ATP8B1: variants seen among roughly 807,000 people sequenced by gnomAD.
The protein encoded by ATP8B1 is ATPase phospholipid transporting 8B1, also known as phospholipid-transporting ATPase IC.
ATP8B1 carries 80 observed loss-of-function variants against 149.9 expected under a neutral mutation model. That is an observed-to-expected ratio of 0.53 (90% confidence interval 0.45 to 0.64). The LOEUF (loss-of-function observed/expected upper bound fraction) is 0.64. Among genes scored for constraint, ATP8B1 ranks in the 30% least tolerant of loss-of-function variants. The pLI is 0.00. For missense variants in ATP8B1, 1,247 were observed against 1,552.6 expected, an observed-to-expected ratio of 0.80 and a Z score of 3.31; for synonymous variants, 536 against 562.8, an observed-to-expected ratio of 0.95 and a Z score of 0.67.
chr18:57,677,757 C>T (rs1911686623), intron 15 of ATP8B1, among the ~76,000 whole-genome samples: 1 of 152,140 alleles, frequency 6.6e-6, no homozygotes, highest in Non-Finnish European at 1.5e-5. Context: ...ACTATTTAAC[C>T]AGAGACAAAT....
At chr18:57,670,988 C>T (rs1327035840) in intron 17 of ATP8B1, among the ~76,000 whole-genome samples, 2 of 152,226 alleles carry the variant, frequency 1.3e-5, no homozygotes, top group African/African-American at 4.8e-5. Context: ...GGACTACAGG[C>T]ATGAGACACC....
At chr18:57,712,786 G>A (rs1367192811) in intron 2 of ATP8B1, among the ~76,000 whole-genome samples, 1 of 151,818 alleles carries the variant, frequency 6.6e-6, no homozygotes, top group Non-Finnish European at 1.5e-5. Context: ...ACTTTGTCTT[G>A]CATCTTGGAT....
intron 12 of ATP8B1, 104 bp downstream of exon 12, chr18:57,691,703 C>T (rs1056071641): frequency 1.4e-6 from 2 of 1,400,222 alleles, no homozygotes; most frequent in Non-Finnish European, 1.9e-6. Context: ...CTTACCTGTT[C>T]TTTGTGACCT....
rs935923283 is a variant in ATP8B1 at position 57,646,546 on chromosome 18, T to C, written c.*1942A>G. 1 of 152,656 alleles carries C rather than the reference T, an allele frequency of 6.6e-6. No individual in the cohort carries two copies. Among genetic ancestry groups the C allele is most frequent in the African/African-American group, 2.4e-5 (1 of 41,460 alleles). The allele number at this position is 152,656 out of a possible 1,614,324, so 9.5% of individuals were successfully genotyped here. On this transcript the variant is annotated 3_prime_UTR_variant, in exon 28 of 28. Transcript: ENST00000648908. Reference sequence around the variant, plus strand: ...AATAATTTATCCAAAGAAATTTGCATTTAAAATTGTTAATATTGCACCCAA... The same window carrying C: ...AATAATTTATCCAAAGAAATTTGCACTTAAAATTGTTAATATTGCACCCAA...
Position 57,648,646 on chromosome 18 carries a change from G to A in ATP8B1, c.3598C>T (p.Arg1200Trp). ...GCCGAGCGCCGCGTTGACACGCCCCGGCGGAACACCTGCTGCCGTCGCTGC... is the reference window on the plus strand; with the variant it reads ...GCCGAGCGCCGCGTTGACACGCCCCAGCGGAACACCTGCTGCCGTCGCTGC... The part of the protein sequence containing the change: ...QWQRRQQVFR[R>W]GVSTRRSAYA... The change falls in exon 28 of 28, where the codon CGG becomes TGG. Residue 1200 changes from arginine to tryptophan, a missense_variant. Transcript: ENST00000648908. The A allele has an allele frequency of 6.3e-7, 1 of 1,593,022 alleles. No individual in the cohort carries two copies. Among genetic ancestry groups the A allele is most frequent in the Non-Finnish European group, 8.5e-7 (1 of 1,171,124 alleles).
At chr18:57,766,352 C>T (rs971065403) in intron 1 of ATP8B1, among the ~76,000 whole-genome samples, 1 of 151,974 alleles carries the variant, frequency 6.6e-6, no homozygotes, top group African/African-American at 2.4e-5. Flanking sequence ...TGTTCTTTAT[C>T]TCCTTTGGAG....
intron 1 of ATP8B1, among the ~76,000 whole-genome samples, chr18:57,794,734 T>A (rs1364147733): frequency 6.6e-6 from 1 of 151,580 alleles, no homozygotes; most frequent in Non-Finnish European, 1.5e-5. Flanking sequence ...GAGGTTGCAG[T>A]GAGCTGAGAT....
At chr18:57,749,783 G>A (rs953683742) in intron 1 of ATP8B1, among the ~76,000 whole-genome samples, 18 of 152,144 alleles carry the variant, frequency 1.2e-4, no homozygotes, top group Admixed American at 9.8e-4. Context: ...ACCTTCAGCT[G>A]TCCATCAATA....
intron 1 of ATP8B1, among the ~76,000 whole-genome samples, chr18:57,756,403 C>T (rs997669588): frequency 6.6e-5 from 10 of 150,750 alleles, no homozygotes; most frequent in Non-Finnish European, 1.5e-4. Context: ...CGGGTTCAAG[C>T]GATTCTTGTG....
chr18:57,691,728 A>G, intron 12 of ATP8B1, 79 bp downstream of exon 12: 13 of 1,511,600 alleles, frequency 8.6e-6, no homozygotes, highest in Non-Finnish European at 1.2e-5. Context: ...AACAGTGATC[A>G]CTAGAAATGA....
chr18:57,787,144 C>T (rs1296052743), intron 1 of ATP8B1, among the ~76,000 whole-genome samples: 3 of 152,202 alleles, frequency 2.0e-5, no homozygotes, highest in South Asian at 2.1e-4. Context: ...TCCTCTGGAC[C>T]GGAAATCATT....
chr18:57,673,463 G>A (rs930262084), intron 16 of ATP8B1, among the ~76,000 whole-genome samples: 13 of 152,026 alleles, frequency 8.6e-5, no homozygotes, highest in African/African-American at 3.1e-4. Context: ...ATGGTATATA[G>A]TACAGTATTT....
intron 16 of ATP8B1, among the ~76,000 whole-genome samples, chr18:57,673,216 A>G (rs1911377491): frequency 6.6e-6 from 1 of 151,934 alleles, no homozygotes; most frequent in South Asian, 2.1e-4. Context: ...TTTTAAAAAT[A>G]TCAATGGATG....
intron 1 of ATP8B1, among the ~76,000 whole-genome samples, chr18:57,763,586 A>G (rs1252955262): frequency 6.6e-6 from 1 of 152,154 alleles, no homozygotes; most frequent in Non-Finnish European, 1.5e-5. Flanking sequence ...TTCTTTTAAC[A>G]TAGCAACTTA....
chr18:57,661,626 C>T (rs1192139085), intron 21 of ATP8B1, among the ~76,000 whole-genome samples, 164 bp from the exon 22 acceptor site: 7 of 136,984 alleles, frequency 5.1e-5, no homozygotes, highest in South Asian at 2.3e-4. Flanking sequence ...TATATGTGTG[C>T]GTGTGTATGT....
In ATP8B1 at chr18:57,764,323, T is replaced by C. The variant is rs71365360; in HGVS notation, c.-25-32491A>G. On this transcript the variant is annotated intron_variant, in intron 1 of 27. Coordinates refer to ENST00000648908, the MANE Select transcript of ATP8B1 (RefSeq NM_001374385.1). Reference sequence around the variant, plus strand: ...CTTCCTTCCTTCTTTCTTTCTTTCTTTTTCTTTCTTTCTTTCTTTTTCTTT... The same window carrying C: ...CTTCCTTCCTTCTTTCTTTCTTTCTCTTTCTTTCTTTCTTTCTTTTTCTTT... Among the ~76,000 whole-genome samples, 5 of 90,676 alleles carry C rather than the reference T, an allele frequency of 5.5e-5. No individual in the cohort carries two copies. In the East Asian group the frequency reaches 1.3e-3, roughly 23 times the overall value. 59.5% of individuals were successfully genotyped at this position (90,676 alleles called of 152,430 possible). A position where few individuals can be genotyped will look rare whatever the true frequency, so the allele number is the denominator to read the frequency against.
At chr18:57,770,603 T>C (rs1292725018) in intron 1 of ATP8B1, among the ~76,000 whole-genome samples, 4 of 152,004 alleles carry the variant, frequency 2.6e-5, no homozygotes, top group Non-Finnish European at 5.9e-5. Flanking sequence ...TGGGTAGAAA[T>C]GGGATAGAGG....
At chr18:57,788,785 A>C (rs544817385) in intron 1 of ATP8B1, among the ~76,000 whole-genome samples, 1 of 152,302 alleles carries the variant, frequency 6.6e-6, no homozygotes, top group Non-Finnish European at 1.5e-5. Context: ...AATTGCTATT[A>C]TTAGCTGAGG....
At chr18:57,657,942 T>G (rs181981946) in intron 22 of ATP8B1, among the ~76,000 whole-genome samples, 2 of 152,362 alleles carry the variant, frequency 1.3e-5, no homozygotes, top group East Asian at 3.9e-4. Context: ...TACAGGCATT[T>G]AGAGTTTCCT....
Sources: allele counts gnomAD v4.1 joint callset (sites outside exome capture counted in the v4.1 genomes callset), GRCh38; gene constraint gnomAD v4.1.1; transcripts MANE v1.5; gene names NCBI Gene and HGNC (gene_info 2026-07-23, HGNC 2026-07-21).